The following ATP2C2 variants were observed in gnomAD, a reference collection of about 807,000 sequenced individuals.
ATP2C2 encodes ATPase secretory pathway Ca2+ transporting 2, also known as calcium-transporting ATPase type 2C member 2.
In ATP2C2, 171 loss-of-function variants were observed where a neutral mutation model predicts 110.8. The ratio of observed to expected loss-of-function variants is 1.54; its 90% CI spans 1.36 to 1.75. The LOEUF is 1.75. Ranked by LOEUF, ATP2C2 falls within the 40% of genes most tolerant of loss-of-function variation. ATP2C2 has a pLI of 0.00. For synonymous variants in ATP2C2, 804 were observed against 508.4 expected, an observed-to-expected ratio of 1.58 and a Z score of -7.82; for missense variants, 1,963 against 1,235.0, an observed-to-expected ratio of 1.59 and a Z score of -8.84.
intron 14 of ATP2C2, among the ~76,000 whole-genome samples, chr16:84,441,590 T>C (rs983212304): frequency 2.0e-5 from 3 of 152,174 alleles, no homozygotes; most frequent in African/African-American, 7.2e-5. Context: ...GCCACTTCAC[T>C]ATCACAGCAA....
At position 84,397,254 on chromosome 16, in the gene ATP2C2, C is replaced by A. The variant is rs114246918; in HGVS notation, c.100-1245C>A. On this transcript the variant is annotated intron_variant, in intron 1 of 26. Transcript: ENST00000262429. ...CAGGTCTCAACACAGAGTGCTGGGA[C>A]TTCCAGAACTTGGTTGTGTTTCCCC... Among the ~76,000 whole-genome samples the A allele has an allele frequency of 2.5e-3, 376 of 151,804 alleles. 9 individuals carry two copies. The highest frequency in any genetic ancestry group is 8.1e-3 in the African/African-American group (335 of 41,166).
chr16:84,392,473 T>C lies in ATP2C2; in HGVS notation c.100-6026T>C, dbSNP rs183763350. Among the ~76,000 whole-genome samples, 224 of 152,228 alleles carry C rather than the reference T, an allele frequency of 1.5e-3. 1 individual carries two copies. The highest frequency in any genetic ancestry group is 5.0e-3 in the African/African-American group (208 of 41,524). ...TCTGCACGTTTCATCCTTGTGTTTT[T>C]CGTTTTGAGATGGAATTCTGCTCTT... On this transcript the variant is annotated intron_variant, in intron 1 of 26. Transcript: ENST00000262429.
rs753279328 is a variant in ATP2C2 at position 84,446,363 on chromosome 16, GAAAA to G, written c.1440_1443del (p.Lys481ArgfsTer13). Reference sequence around the variant, plus strand: ...AGTGATATTAAAAATTCATATATAAGAAAAAAAGAGATTCCATTCAGTTCAGAGC... The same window carrying G: ...AGTGATATTAAAAATTCATATATAAGAAAGAGATTCCATTCAGTTCAGAGC... On this transcript the variant is annotated frameshift_variant, in exon 16 of 27. Coordinates refer to ENST00000262429, the MANE Select transcript of ATP2C2 (RefSeq NM_014861.4). LOFTEE classifies it high-confidence loss of function. 6 of 1,601,238 alleles carry G rather than the reference GAAAA, an allele frequency of 3.7e-6. No individual in the cohort carries two copies. The highest frequency in any genetic ancestry group is 4.3e-6 in the Non-Finnish European group (5 of 1,175,456).
intron 11 of ATP2C2, among the ~76,000 whole-genome samples, chr16:84,432,589 T>C (rs1470923155): frequency 6.6e-6 from 1 of 152,058 alleles, no homozygotes; most frequent in Admixed American, 6.6e-5. Context: ...GGCGTGATCT[T>C]GGCCCACTGC....
chr16:84,421,824 G>T (rs1173514153), intron 7 of ATP2C2, among the ~76,000 whole-genome samples: 1 of 152,210 alleles, frequency 6.6e-6, no homozygotes, highest in Non-Finnish European at 1.5e-5. Flanking sequence ...TCCATTGGGG[G>T]TGGTGAGTTC....
Position 84,412,591 on chromosome 16 carries a change from G to A in ATP2C2, c.515+1826G>A, listed in dbSNP as rs530725458. ...GTGTATGTGTGTGTGTGGAGATGGG[G>A]TTTCACTATGTTGCTCAGTCTGGGA... On this transcript the variant is annotated intron_variant, in intron 6 of 26. Coordinates refer to ENST00000262429, the MANE Select transcript of ATP2C2 (RefSeq NM_014861.4). Among the ~76,000 whole-genome samples the A allele has an allele frequency of 9.9e-5, 15 of 151,830 alleles. No individual in the cohort carries two copies. The East Asian group carries it at 2.7e-3, about 27-fold the overall frequency.
At chr16:84,434,022 C>T (rs1176552831) in intron 11 of ATP2C2, among the ~76,000 whole-genome samples, 3 of 152,166 alleles carry the variant, frequency 2.0e-5, no homozygotes, top group African/African-American at 7.2e-5. Context: ...CCGCTGAAAG[C>T]CACTGAGTCA....
At chr16:84,398,800 C>T (rs980731439) in intron 2 of ATP2C2, among the ~76,000 whole-genome samples, 191 bp downstream of exon 2, 3 of 152,204 alleles carry the variant, frequency 2.0e-5, no homozygotes, top group Admixed American at 6.5e-5. Flanking sequence ...CAGTAGAGCT[C>T]GTCTTCACCA....
At chr16:84,421,361 G>T (rs1243952724) in intron 7 of ATP2C2, among the ~76,000 whole-genome samples, 1 of 152,198 alleles carries the variant, frequency 6.6e-6, no homozygotes, top group Non-Finnish European at 1.5e-5. Context: ...GTCGTTCTTG[G>T]GGACTGAGAT....
At chr16:84,377,995 C>T (rs1039075604) in intron 1 of ATP2C2, among the ~76,000 whole-genome samples, 1 of 152,118 alleles carries the variant, frequency 6.6e-6, no homozygotes, top group African/African-American at 2.4e-5. Context: ...GAAGAGAGCT[C>T]AGCAGAGGAT....
At chr16:84,416,926 C>G (rs1207454100) in intron 7 of ATP2C2, among the ~76,000 whole-genome samples, 1 of 95,638 alleles carries the variant, frequency 1.0e-5, no homozygotes, top group Non-Finnish European at 2.5e-5. Flanking sequence ...AAGGGGGGTC[C>G]TAACAGGGGA....
intron 11 of ATP2C2, among the ~76,000 whole-genome samples, chr16:84,432,930 G>C (rs1348587771): frequency 6.6e-6 from 1 of 152,162 alleles, no homozygotes; most frequent in African/African-American, 2.4e-5. Context: ...GCGGGCTCCA[G>C]CAAGAACAGG....
intron 2 of ATP2C2, among the ~76,000 whole-genome samples, chr16:84,398,820 C>A (rs566801488): frequency 6.6e-6 from 1 of 152,178 alleles, no homozygotes; most frequent in African/African-American, 2.4e-5. Context: ...AGGCCCTTAC[C>A]GGAAGACGGC....
At chr16:84,425,195 A>C (rs7192980) in intron 10 of ATP2C2, among the ~76,000 whole-genome samples, 81 of 152,290 alleles carry the variant, frequency 5.3e-4, no homozygotes, top group African/African-American at 1.9e-3. Context: ...GTCACCTGGC[A>C]ACACCACCCA....
chr16:84,443,590 C>T (rs1909468288), intron 15 of ATP2C2, among the ~76,000 whole-genome samples: 1 of 152,202 alleles, frequency 6.6e-6, no homozygotes, highest in Non-Finnish European at 1.5e-5. Context: ...TGGCGAGTGC[C>T]GACTTTCTCT....
intron 1 of ATP2C2, among the ~76,000 whole-genome samples, chr16:84,376,471 C>G (rs1910255587): frequency 6.6e-6 from 1 of 151,850 alleles, no homozygotes; most frequent in Admixed American, 6.6e-5. Flanking sequence ...CCCAAGATAG[C>G]TTTGAATGCA....
Position 84,454,818 on chromosome 16 carries a change from G to C in ATP2C2, c.1981G>C (p.Ala661Pro). ...CCTTCATTGCCTGCTCTTTCCAAAG[G>C]CTCTGCAGGAGTCAGGGGCGATCGT... is the stretch of plus-strand genomic sequence containing the variant. ...SPKHKLKIIK[A>P]LQESGAIVAM... Residue 661 changes from alanine to proline, a missense_variant and splice_region_variant, in exon 21 of 27, where the codon GCT (alanine) becomes CCT (proline). Transcript: ENST00000262429. 1 of 1,592,650 alleles carries C rather than the reference G, an allele frequency of 6.3e-7. No individual in the cohort carries two copies. Among genetic ancestry groups the C allele is most frequent in the Non-Finnish European group, 8.5e-7 (1 of 1,170,848 alleles).
chr16:84,400,549 G>A lies in ATP2C2; in HGVS notation c.210+1940G>A, dbSNP rs367707102. On this transcript the variant is annotated intron_variant, in intron 2 of 26. Transcript: ENST00000262429. ...TCACCGTGTTAGCCAGGATGGTCTCGATCTCCTGACCTCATGATCTGCCTG... is the reference window on the plus strand; with the variant it reads ...TCACCGTGTTAGCCAGGATGGTCTCAATCTCCTGACCTCATGATCTGCCTG... 6.9e-3 allele frequency among the ~76,000 whole-genome samples: 1,044 copies of A among 152,114 alleles called. 10 individuals carry two copies. The highest frequency in any genetic ancestry group is 0.024 in the African/African-American group (999 of 41,498).
chr16:84,431,859 A>T (rs1238552671), intron 11 of ATP2C2, among the ~76,000 whole-genome samples: 1 of 152,090 alleles, frequency 6.6e-6, no homozygotes, highest in African/African-American at 2.4e-5. Context: ...GGCCGAAGGA[A>T]GTGGGAGGTG....
Sources: allele counts gnomAD v4.1 joint callset (sites outside exome capture counted in the v4.1 genomes callset), GRCh38; gene constraint gnomAD v4.1.1; transcripts MANE v1.5; gene names NCBI Gene and HGNC (gene_info 2026-07-23, HGNC 2026-07-21).